APOB: variants seen among roughly 807,000 people sequenced by gnomAD.
APOB encodes the protein apolipoprotein B-100.
Under a neutral mutation model 314.1 loss-of-function variants are expected in APOB, and 153 were observed. The ratio of observed to expected loss-of-function variants is 0.49; its 90% CI spans 0.43 to 0.56. APOB has a LOEUF of 0.56. Ranked by LOEUF, APOB falls within the 20% of genes least tolerant of loss-of-function variation. The pLI is 0.00. For synonymous variants in APOB, 2,087 were observed against 2,036.4 expected (o/e 1.02, Z -0.67); for missense variants, 5,430 against 5,350.7 (o/e 1.01, Z -0.46).
chr2:21,001,612 G>T lies in APOB; in HGVS notation c.*118C>A. The T allele has an allele frequency of 1.0e-6, 1 of 966,480 alleles. No homozygotes were observed. The highest frequency in any genetic ancestry group is 1.6e-6 in the Non-Finnish European group (1 of 631,120). The allele number at this position is 966,480 out of a possible 1,614,324, so 59.9% of individuals were successfully genotyped here. A position where few individuals can be genotyped will look rare whatever the true frequency, so the allele number is the denominator to read the frequency against. ...TATGTGCTTCTGCTTATAGTCTACT[G>T]CCTACTGCAAGGCTGGCTCACTGTA... On this transcript the variant is annotated 3_prime_UTR_variant, in exon 29 of 29. Transcript: ENST00000233242.
intron 4 of APOB, among the ~76,000 whole-genome samples, 175 bp from the exon 5 acceptor site, chr2:21,038,286 G>A (rs550612116): frequency 1.3e-5 from 2 of 152,090 alleles, no homozygotes; most frequent in East Asian, 3.9e-4. Context: ...TTTCAAAAAA[G>A]TATGCACATA....
chr2:21,037,260 G>A lies in APOB; in HGVS notation c.538-5C>T. ...GCAGTTTCCATACACGGTATCCTATGGAGGAAGAAGATGCAACCACATGTA... is the reference window on the plus strand; with the variant it reads ...GCAGTTTCCATACACGGTATCCTATAGAGGAAGAAGATGCAACCACATGTA... On this transcript the variant is annotated splice_region_variant and splice_polypyrimidine_tract_variant and intron_variant, in intron 5 of 28. Coordinates refer to ENST00000233242, the MANE Select transcript of APOB (RefSeq NM_000384.3). 1 of 1,614,066 alleles carries A rather than the reference G, an allele frequency of 6.2e-7. No individual in the cohort carries two copies. Among genetic ancestry groups the A allele is most frequent in the South Asian group, 1.1e-5 (1 of 91,028 alleles).
At position 21,008,203 on chromosome 2, in the gene APOB, A is replaced by C. The variant is rs774855973; in HGVS notation, c.8665T>G (p.Tyr2889Asp). Residue 2889 changes from tyrosine (Y) to aspartate (D), a missense_variant, in exon 26 of 29, where the codon TAC (tyrosine) becomes GAC (aspartate). Transcript: ENST00000233242. ...NQLTLDSNTK[Y>D]FHKLNIPKLD... is the part of the protein sequence containing the mutation. ...TTGGGGATGTTCAATTTGTGGAAGT[A>C]TTTAGTGTTGCTATCCAGGGTAAGC... The C allele has an allele frequency of 8.7e-6, 14 of 1,614,056 alleles. No individual in the cohort carries two copies. Among genetic ancestry groups the C allele is most frequent in the Non-Finnish European group, 1.2e-5 (14 of 1,179,966 alleles).
rs1414278567 is a variant in APOB at position 21,002,937 on chromosome 2, G to T, written c.12485C>A (p.Ala4162Asp). 1.9e-6 allele frequency: 3 copies of T among 1,612,500 alleles called. No homozygotes were observed. Among genetic ancestry groups the T allele is most frequent in the East Asian group, 2.2e-5 (1 of 44,844 alleles). ...GTTATCCTTGAGTCCCTGGAAACTG[G>T]CTTGGCCTTCCTGAGTCAACAGTTC... ...YQELLTQEGQASFQGLKDNVF... is the reference protein window; with the variant it reads ...YQELLTQEGQDSFQGLKDNVF... Residue 4162 changes from alanine (A) to aspartate (D), a missense_variant, in exon 29 of 29, where the codon GCC becomes GAC. Coordinates refer to ENST00000233242, the MANE Select transcript of APOB (RefSeq NM_000384.3).
In APOB at chr2:21,007,569, T is replaced by C; in HGVS notation, c.9299A>G (p.Gln3100Arg). 6.2e-7 allele frequency: 1 copy of C among 1,614,116 alleles called. No homozygotes were observed. Among genetic ancestry groups the C allele is most frequent in the Non-Finnish European group, 8.5e-7 (1 of 1,179,964 alleles). Residue 3100 changes from glutamine (Q) to arginine (R), a missense_variant, in exon 26 of 29, where the codon CAA becomes CGA. Physicochemically the swap from Gln to Arg is conservative, Grantham distance 43 (BLOSUM62 1). Around this residue, in one of 3 missense-constraint regions of APOB, gnomAD observed 3,281 missense variants for 3,171.0 expected, o/e 1.03. Coordinates refer to ENST00000233242, the MANE Select transcript of APOB (RefSeq NM_000384.3). ...CTCGTTGTTTCCAGCAGAGAAATTT[T>C]GGTTGTACTTATACTGATTGAACCT... Reference protein sequence around the residue: ...SARFNQYKYNQNFSAGNNENI... With the variant: ...SARFNQYKYNRNFSAGNNENI...
Position 21,005,435 on chromosome 2 carries a change from A to G in APOB, c.11433T>C (p.Phe3811=). 6.2e-7 allele frequency: 1 copy of G among 1,614,060 alleles called. No homozygotes were observed. The highest frequency in any genetic ancestry group is 8.5e-7 in the Non-Finnish European group (1 of 1,179,950). The change falls in exon 26 of 29, where the codon TTT becomes TTC. Residue 3811 remains phenylalanine, a synonymous_variant. Transcript: ENST00000233242. ...ACTGAGATTCAGGCACGGTTATCTC[A>G]AAAAAGGGAATCAAGGAGTCTTCTG... ...SQPEDSLIPF[F]EITVPESQLT...
intron 4 of APOB, among the ~76,000 whole-genome samples, chr2:21,039,801 C>T (rs539017458): frequency 6.6e-6 from 1 of 152,314 alleles, no homozygotes; most frequent in African/African-American, 2.4e-5. Flanking sequence ...TTTCCTCCTG[C>T]CACCATACCC....
chr2:21,025,477 A>G (rs1276663266), intron 15 of APOB, among the ~76,000 whole-genome samples: 1 of 152,198 alleles, frequency 6.6e-6, no homozygotes, highest in Non-Finnish European at 1.5e-5. Flanking sequence ...TTCTTTGACC[A>G]GTGAAGACTA....
Position 21,011,039 on chromosome 2 carries a change from AG to A in APOB, c.5828del (p.Ser1943PhefsTer75). The A allele has an allele frequency of 6.2e-7, 1 of 1,614,186 alleles. No individual in the cohort carries two copies. The highest frequency in any genetic ancestry group is 8.5e-7 in the Non-Finnish European group (1 of 1,180,012). ...GACTTGTGGAGCCTTTGTAATCATG[AG>A]AGAAAGTAAATGCCAGAGGTTCTGC... ...LKAEPLAFTF[S>X]HDYKGSTSHH... On this transcript the variant is annotated frameshift_variant, in exon 26 of 29. Transcript: ENST00000233242. LOFTEE classifies it high-confidence loss of function.
Position 21,007,152 on chromosome 2 carries a change from T to G in APOB, c.9716A>C (p.His3239Pro). Residue 3239 changes from histidine to proline, a missense_variant, in exon 26 of 29, where the codon CAC (histidine) becomes CCC (proline). Physicochemically the swap from His to Pro is moderately conservative, Grantham distance 77. Around this residue, in one of 3 missense-constraint regions of APOB, gnomAD observed 3,281 missense variants for 3,171.0 expected, o/e 1.03. Coordinates refer to ENST00000233242, the MANE Select transcript of APOB (RefSeq NM_000384.3). ...KFDKYKAEKS[H>P]DELPRTFQIP... ...TTGAAAGGTCCTGGGGAGCTCGTCG[T>G]GAGATTTTTCAGCTTTGTACTTATC... 6.2e-7 allele frequency: 1 copy of G among 1,614,010 alleles called. No individual in the cohort carries two copies. Among genetic ancestry groups the G allele is most frequent in the Non-Finnish European group, 8.5e-7 (1 of 1,179,948 alleles).
rs1663982191 is a variant in APOB at position 21,035,584 on chromosome 2, T to C, written c.818A>G (p.Lys273Arg). ...EQHLFLPFSY[K>R]NKYGMVAQVT... is the part of the protein sequence containing the mutation. ...ATCAGGGGTGCATCACATGACCTAC[T>C]TGTAGGAGAAAGGCAGGAAGAGGTG... The change falls in exon 7 of 29, where the codon AAG (lysine) becomes AGG (arginine). Residue 273 changes from lysine to arginine, a missense_variant and splice_region_variant. Transcript: ENST00000233242. The C allele has an allele frequency of 6.2e-7, 1 of 1,613,918 alleles. No individual in the cohort carries two copies.
At chr2:21,020,798 T>A (rs1030774521) in intron 18 of APOB, among the ~76,000 whole-genome samples, 9 of 152,250 alleles carry the variant, frequency 5.9e-5, no homozygotes, top group African/African-American at 2.2e-4. Flanking sequence ...GGAGTCCTAA[T>A]GCCAGCTTTC....
chr2:21,003,683 A>G (rs1198414345), intron 28 of APOB, among the ~76,000 whole-genome samples: 1 of 152,186 alleles, frequency 6.6e-6, no homozygotes, highest in Non-Finnish European at 1.5e-5. Context: ...GAAATGACAG[A>G]TAGGAAAAGA....
In APOB at chr2:21,009,738, A is replaced by G; in HGVS notation, c.7130T>C (p.Leu2377Pro). ...QYKLKETIQK[L>P]SNVLQQVKIK... ...CTTAACTTGTTGTAGGACATTGCTT[A>G]GCTTCTGAATAGTCTCCTTCAACTT... The change falls in exon 26 of 29, where the codon CTA (leucine) becomes CCA (proline). Residue 2377 changes from leucine (L) to proline (P), a missense_variant. Physicochemically the swap from Leu to Pro is moderately conservative, Grantham distance 98. This residue lies in a region of APOB where 3,281 missense variants were observed against 3,171.0 expected (regional missense o/e 1.03). Transcript: ENST00000233242. 6.2e-7 allele frequency: 1 copy of G among 1,613,970 alleles called. No homozygotes were observed. Among genetic ancestry groups the G allele is most frequent in the African/African-American group, 1.3e-5 (1 of 75,060 alleles).
chr2:21,031,678 G>GT (rs1663883110), intron 10 of APOB, among the ~76,000 whole-genome samples: 1 of 152,112 alleles, frequency 6.6e-6, no homozygotes, highest in African/African-American at 2.4e-5. Context: ...GTGAAACCCT[G>GT]TATCTACCAA....
rs748168289 is a variant in APOB, at chr2:21,019,838, A to G, written c.2884T>C (p.Ser962Pro). ...AAGACTTGCTTGCAAACTGACCAGG[A>G]CTGCCTGTTCTCAATGAGAGGTGGG... is the stretch of plus-strand genomic sequence containing the variant. The part of the protein sequence containing the change: ...VIPPLIENRQ[S>P]WSVCKQVFPG... The change falls in exon 19 of 29, where the codon TCC becomes CCC. Residue 962 changes from serine to proline, a missense_variant. Physicochemically the swap from Ser to Pro is moderately conservative, Grantham distance 74 (BLOSUM62 -1). This residue lies in a region of APOB where 2,085 missense variants were observed against 2,079.7 expected (regional missense o/e 1.00). Coordinates refer to ENST00000233242, the MANE Select transcript of APOB (RefSeq NM_000384.3). 6.2e-7 allele frequency: 1 copy of G among 1,614,166 alleles called. No individual in the cohort carries two copies. Among genetic ancestry groups the G allele is most frequent in the Admixed American group, 1.7e-5 (1 of 60,026 alleles).
Position 21,013,411 on chromosome 2 carries a change from T to A in APOB, c.3965A>T (p.His1322Leu). The A allele has an allele frequency of 6.2e-7, 1 of 1,614,210 alleles. No homozygotes were observed. The highest frequency in any genetic ancestry group is 1.7e-5 in the Admixed American group (1 of 60,026). ...MLETVRTPAL[H>L]FKSVGFHLPS... ...CAGATGGAATCCCACAGACTTGAAG[T>A]GGAGGGCTGGTGTCCTAACAGTCTC... The change falls in exon 25 of 29, where the codon CAC becomes CTC. Residue 1322 changes from histidine (H) to leucine (L), a missense_variant. Coordinates refer to ENST00000233242, the MANE Select transcript of APOB (RefSeq NM_000384.3).
Position 21,029,768 on chromosome 2 carries a change from G to A in APOB, c.1488C>T (p.Gly496=), listed in dbSNP as rs771578750. ...CTGGAGTTAACTGCTCCATGGTTTGGCCCATATTTCCAATGACCTGCATTG... is the reference window on the plus strand; with the variant it reads ...CTGGAGTTAACTGCTCCATGGTTTGACCCATATTTCCAATGACCTGCATTG... ...YLILRVIGNM[G]QTMEQLTPEL... is the part of the protein sequence containing the mutation. The change falls in exon 12 of 29, where the codon GGC becomes GGT. Residue 496 remains glycine, a synonymous_variant. Transcript: ENST00000233242. 2 of 1,614,094 alleles carry A rather than the reference G, an allele frequency of 1.2e-6. No individual in the cohort carries two copies. The highest frequency in any genetic ancestry group is 1.7e-6 in the Non-Finnish European group (2 of 1,180,036).
Position 21,037,955 on chromosome 2 carries a change from C to T in APOB, c.537+3G>A, listed in dbSNP as rs1664045426. On this transcript the variant is annotated splice_donor_region_variant and intron_variant, in intron 5 of 28. Coordinates refer to ENST00000233242, the MANE Select transcript of APOB (RefSeq NM_000384.3). ...CACTGCTATCAGCTTTCTAAATCCT[C>T]ACCAGAAACAACACTTGCTTGGCTT... The T allele has an allele frequency of 6.2e-7, 1 of 1,614,236 alleles. No individual in the cohort carries two copies.
Sources: gnomAD v4.1 joint callset for allele counts (sites outside exome capture counted in the v4.1 genomes callset) on GRCh38, gnomAD v4.1.1 for gene constraint, gnomAD v4.1.1 regional missense constraint, MANE v1.5 for transcripts, NCBI Gene and HGNC (gene_info 2026-07-23, HGNC 2026-07-21) for gene names.